Variants in BBS9 observed in about 807,000 individuals in gnomAD.
The protein encoded by BBS9 is protein PTHB1.
A neutral mutation model predicts 117.7 loss-of-function variants in BBS9; 89 were observed. The observed-to-expected ratio is 0.76, with a 90% CI of 0.64 to 0.90. The LOEUF (loss-of-function observed/expected upper bound fraction) is 0.90, where lower values mean the gene tolerates loss of function less well. Among genes scored for constraint, BBS9 ranks in the 40% least tolerant of loss-of-function variants. The pLI, the probability that BBS9 is intolerant of heterozygous loss-of-function variation, is 0.00. For missense variants in BBS9, 982 were observed against 1,042.2 expected (o/e 0.94, Z 0.80); for synonymous variants, 379 against 370.9 (o/e 1.02, Z -0.25).
At chr7:33,612,075 A>G (rs917884843) in intron 21 of BBS9, among the ~76,000 whole-genome samples, 1 of 151,442 alleles carries the variant, frequency 6.6e-6, no homozygotes, top group Admixed American at 6.6e-5. Context: ...TAGTTAACAG[A>G]TAACATTTAA....
intron 21 of BBS9, among the ~76,000 whole-genome samples, chr7:33,557,623 G>A (rs1384726439): frequency 6.6e-6 from 1 of 152,206 alleles, no homozygotes; most frequent in Non-Finnish European, 1.5e-5. Context: ...CCTGGGCATA[G>A]TGGGTTCTCT....
intron 21 of BBS9, among the ~76,000 whole-genome samples, chr7:33,560,436 C>G (rs767413220): frequency 6.6e-6 from 1 of 152,086 alleles, no homozygotes; most frequent in Non-Finnish European, 1.5e-5. Flanking sequence ...CCAAACTTGC[C>G]GTTAACTTTG....
At chr7:33,151,384 T>A (rs541001002) in intron 2 of BBS9, among the ~76,000 whole-genome samples, 2 of 152,276 alleles carry the variant, frequency 1.3e-5, no homozygotes, top group South Asian at 4.1e-4. Context: ...ACTGATAGAT[T>A]TAAGTACAGA....
chr7:33,199,531 T>C (rs1785488159), intron 5 of BBS9, among the ~76,000 whole-genome samples: 1 of 151,834 alleles, frequency 6.6e-6, no homozygotes, highest in South Asian at 2.1e-4. Context: ...GCACAGTTAT[T>C]GAAGCAAGCT....
At chr7:33,369,649 A>G (rs1822485672) in intron 17 of BBS9, among the ~76,000 whole-genome samples, 1 of 152,200 alleles carries the variant, frequency 6.6e-6, no homozygotes. Context: ...ACAGAATCCT[A>G]CCTAGGAGAT....
downstream of BBS9, among the ~76,000 whole-genome samples, chr7:33,607,471 G>A (rs1864640772): frequency 6.6e-6 from 1 of 151,924 alleles, no homozygotes; most frequent in Non-Finnish European, 1.5e-5. Context: ...TACAACATTA[G>A]TTACAAAAAT....
intron 21 of BBS9, among the ~76,000 whole-genome samples, chr7:33,634,473 A>G (rs867812161): frequency 6.6e-6 from 1 of 152,170 alleles, no homozygotes; most frequent in Non-Finnish European, 1.5e-5. Context: ...AAATTGAATG[A>G]TAAGTGTAAA....
At chr7:33,604,638 G>T (rs1397488207) in intron 21 of BBS9, among the ~76,000 whole-genome samples, 1 of 152,150 alleles carries the variant, frequency 6.6e-6, no homozygotes, top group Admixed American at 6.5e-5. Flanking sequence ...TGTTGCTGCT[G>T]TTGCCAAGTC....
intron 21 of BBS9, among the ~76,000 whole-genome samples, chr7:33,590,265 G>A (rs183107979): frequency 6.6e-5 from 10 of 152,074 alleles, no homozygotes; most frequent in Admixed American, 2.0e-4. Flanking sequence ...AGAACTCTTC[G>A]GAGAAGCTTT....
chr7:33,172,777 A>G (rs1011288162), intron 4 of BBS9, among the ~76,000 whole-genome samples: 5 of 152,198 alleles, frequency 3.3e-5, no homozygotes, highest in African/African-American at 4.8e-5. Context: ...ATTATATTCC[A>G]TATGTACATA....
chr7:33,371,458 T>A (rs929940471), intron 17 of BBS9, among the ~76,000 whole-genome samples: 4 of 152,118 alleles, frequency 2.6e-5, no homozygotes, highest in Non-Finnish European at 5.9e-5. Context: ...GAAGGAGGTG[T>A]GTATTTTGTT....
chr7:33,397,321 C>T (rs1828150412), intron 19 of BBS9, among the ~76,000 whole-genome samples: 2 of 152,134 alleles, frequency 1.3e-5, no homozygotes, highest in African/African-American at 4.8e-5. Flanking sequence ...CAAAAAACAA[C>T]AGATACTGAT....
At chr7:33,336,328 T>C (rs1815343214) in intron 9 of BBS9, 113 bp from the exon 10 acceptor site, 2 of 743,906 alleles carry the variant, frequency 2.7e-6, no homozygotes, top group Non-Finnish European at 4.6e-6. Flanking sequence ...GAAATAGATA[T>C]ATAGTTATTT....
chr7:33,628,052 T>A (rs1016388825), intron 21 of BBS9, among the ~76,000 whole-genome samples: 1 of 152,072 alleles, frequency 6.6e-6, no homozygotes, highest in Non-Finnish European at 1.5e-5. Flanking sequence ...TTTAAAAACG[T>A]CTCAGATGGC....
chr7:33,390,805 CT>C (rs1205225758), intron 19 of BBS9, among the ~76,000 whole-genome samples: 1 of 152,044 alleles, frequency 6.6e-6, no homozygotes, highest in Non-Finnish European at 1.5e-5. Flanking sequence ...TTCCACACCT[CT>C]TTTTTTGGCA....
At chr7:33,475,969 G>A (rs993421815) in intron 19 of BBS9, among the ~76,000 whole-genome samples, 6 of 152,172 alleles carry the variant, frequency 3.9e-5, no homozygotes, top group African/African-American at 1.4e-4. Context: ...AAAGTTTAGA[G>A]TCTGGTGCAA....
chr7:33,217,304 T>C lies in BBS9; in HGVS notation c.442+39713T>C, dbSNP rs538782574. Among the ~76,000 whole-genome samples the C allele has an allele frequency of 3.9e-5, 6 of 152,208 alleles. No homozygotes were observed. The South Asian group carries it at 8.3e-4, about 21-fold the overall frequency. On this transcript the variant is annotated intron_variant, in intron 5 of 22. Coordinates refer to ENST00000242067, the MANE Select transcript of BBS9 (RefSeq NM_198428.3). The stretch of plus-strand genomic sequence containing the variant: ...ATGTATTTATGGTATTTTTTGGTTT[T>C]GCTAAACAGGTTGTGTATTATTAAT...
intron 19 of BBS9, among the ~76,000 whole-genome samples, chr7:33,476,799 T>C (rs1339912729): frequency 6.6e-6 from 1 of 152,318 alleles, no homozygotes; most frequent in East Asian, 1.9e-4. Flanking sequence ...ACCTAAAAGA[T>C]TTCTATCTTG....
chr7:33,210,828 A>G (rs1787872366), intron 5 of BBS9, among the ~76,000 whole-genome samples: 1 of 152,012 alleles, frequency 6.6e-6, no homozygotes, highest in Non-Finnish European at 1.5e-5. Context: ...AGCCAGCTCT[A>G]GTGATATTTG....
Sources: allele counts gnomAD v4.1 joint callset (sites outside exome capture counted in the v4.1 genomes callset), GRCh38; gene constraint gnomAD v4.1.1; transcripts MANE v1.5; gene names NCBI Gene and HGNC (gene_info 2026-07-23, HGNC 2026-07-21).